Variants in TNRC6A observed in about 807,000 individuals in gnomAD.
The protein encoded by TNRC6A is trinucleotide repeat-containing gene 6A protein.
In TNRC6A, 44 loss-of-function variants were observed where a neutral mutation model predicts 221.2. The observed-to-expected ratio is 0.20, with a 90% CI of 0.16 to 0.26. The LOEUF (loss-of-function observed/expected upper bound fraction) is 0.26. Ranked by LOEUF, TNRC6A falls within the 10% of genes least tolerant of loss-of-function variation. TNRC6A has a pLI of 1.00. For synonymous variants in TNRC6A, 847 were observed against 838.5 expected (o/e 1.01, Z -0.18); for missense variants, 2,199 against 2,404.4 (o/e 0.91, Z 1.79).
intron 11 of TNRC6A, among the ~76,000 whole-genome samples, chr16:24,799,855 C>T (rs2058296844): frequency 1.3e-5 from 2 of 152,148 alleles, no homozygotes; most frequent in South Asian, 4.1e-4. Flanking sequence ...CCCCAGTTGT[C>T]CTTGCCTTTT....
chr16:24,612,751 G>GA (rs1201304660), intron 1 of TNRC6A, among the ~76,000 whole-genome samples: 2 of 150,870 alleles, frequency 1.3e-5, no homozygotes, highest in Non-Finnish European at 3.0e-5. Flanking sequence ...GTCTCAAAGA[G>GA]AAAAAAAATA....
At chr16:24,705,331 G>A (rs1567372982) in intron 2 of TNRC6A, among the ~76,000 whole-genome samples, 1 of 150,158 alleles carries the variant, frequency 6.7e-6, no homozygotes, top group Non-Finnish European at 1.5e-5. Context: ...GATATTAGAT[G>A]AATTTTTTTT....
At chr16:24,755,182 A>G (rs1297190307) in intron 3 of TNRC6A, among the ~76,000 whole-genome samples, 1 of 152,240 alleles carries the variant, frequency 6.6e-6, no homozygotes, top group Non-Finnish European at 1.5e-5. Flanking sequence ...GCTAAGTCAT[A>G]GGAAAGCTCT....
At chr16:24,796,991 T>C (rs898579380) in intron 9 of TNRC6A, among the ~76,000 whole-genome samples, 23 of 152,336 alleles carry the variant, frequency 1.5e-4, no homozygotes, top group African/African-American at 2.6e-4. Flanking sequence ...GCAACACAAA[T>C]TGAAATTTTA....
At chr16:24,738,858 G>C (rs933517840) in intron 2 of TNRC6A, among the ~76,000 whole-genome samples, 2 of 152,066 alleles carry the variant, frequency 1.3e-5, no homozygotes, top group African/African-American at 2.4e-5. Context: ...TGTTTGTGTT[G>C]TTTTGTTTTG....
chr16:24,738,323 A>G (rs577489274), intron 2 of TNRC6A, among the ~76,000 whole-genome samples: 1 of 152,316 alleles, frequency 6.6e-6, no homozygotes, highest in South Asian at 2.1e-4. Flanking sequence ...TCACCCTTTT[A>G]AAGTCCACAA....
chr16:24,765,101 G>A (rs2057445397), intron 4 of TNRC6A, among the ~76,000 whole-genome samples: 1 of 152,140 alleles, frequency 6.6e-6, no homozygotes, highest in Non-Finnish European at 1.5e-5. Flanking sequence ...ACCTAGAAGA[G>A]GAATTGCTGA....
chr16:24,653,072 T>A (rs1415578998), intron 2 of TNRC6A, among the ~76,000 whole-genome samples: 1 of 152,220 alleles, frequency 6.6e-6, no homozygotes, highest in Non-Finnish European at 1.5e-5. Context: ...CACAGCCTTT[T>A]TCTAAGACAG....
intron 1 of TNRC6A, among the ~76,000 whole-genome samples, chr16:24,624,632 C>T (rs979583078): frequency 6.6e-6 from 1 of 152,072 alleles, no homozygotes; most frequent in Non-Finnish European, 1.5e-5. Context: ...GCACACATCA[C>T]CACATCTGGC....
intron 2 of TNRC6A, among the ~76,000 whole-genome samples, chr16:24,647,765 C>A (rs1196837490): frequency 1.3e-5 from 2 of 152,148 alleles, no homozygotes; most frequent in African/African-American, 4.8e-5. Context: ...GCACGCGCCA[C>A]CATGCCTGGC....
At chr16:24,791,838 A>G in intron 6 of TNRC6A, 21 bp downstream of exon 6, 1 of 1,492,026 alleles carries the variant, frequency 6.7e-7, no homozygotes, top group Non-Finnish European at 8.9e-7. Flanking sequence ...ATTTTATGAA[A>G]TCAAGCCTTG....
intron 5 of TNRC6A, among the ~76,000 whole-genome samples, chr16:24,780,998 C>G (rs558759719): frequency 6.8e-6 from 1 of 147,528 alleles, no homozygotes; most frequent in South Asian, 2.2e-4. Context: ...TAAACAAACT[C>G]AGATCTTCTC....
In TNRC6A at chr16:24,752,013, AC is replaced by A. The variant is rs1208310273; in HGVS notation, c.141+1202del. 2.6e-5 allele frequency among the ~76,000 whole-genome samples: 4 copies of A among 152,108 alleles called. No individual in the cohort carries two copies. In the East Asian group the frequency reaches 7.7e-4, roughly 29 times the overall value. On this transcript the variant is annotated intron_variant, in intron 3 of 24. Transcript: ENST00000395799. The stretch of plus-strand genomic sequence containing the variant: ...GTTTTGCTTGGGGGAAAGGGAGGGA[AC>A]CAAGGGTAGAACTCTGAAGAGTTGA...
chr16:24,688,481 A>G (rs1317895775), intron 2 of TNRC6A, among the ~76,000 whole-genome samples: 1 of 152,158 alleles, frequency 6.6e-6, no homozygotes, highest in African/African-American at 2.4e-5. Context: ...GTGGAGTCTG[A>G]TAGATAAAAA....
At chr16:24,814,511 C>T (rs929427928) in intron 18 of TNRC6A, among the ~76,000 whole-genome samples, 3 of 147,728 alleles carry the variant, frequency 2.0e-5, no homozygotes, top group African/African-American at 5.1e-5. Flanking sequence ...CGGGTTCAAG[C>T]GATTCTCCTG....
chr16:24,742,686 C>G (rs2056917824), intron 2 of TNRC6A, among the ~76,000 whole-genome samples: 1 of 152,168 alleles, frequency 6.6e-6, no homozygotes, highest in African/African-American at 2.4e-5. Flanking sequence ...CTTTAGGAGG[C>G]CGAGACAGGT....
Position 24,795,888 on chromosome 16 carries a change from A to G in TNRC6A, c.3529-19A>G. The G allele has an allele frequency of 6.3e-7, 1 of 1,587,522 alleles. No homozygotes were observed. Among genetic ancestry groups the G allele is most frequent in the Non-Finnish European group, 8.6e-7 (1 of 1,163,504 alleles). On this transcript the variant is annotated intron_variant, in intron 8 of 24. Coordinates refer to ENST00000395799, the MANE Select transcript of TNRC6A (RefSeq NM_014494.4). Reference sequence around the variant, plus strand: ...TCCCACTGGACCATGCTGTTTTGTGACTTTGTCTTTCCTTACAGGGTCTGA... The same window carrying G: ...TCCCACTGGACCATGCTGTTTTGTGGCTTTGTCTTTCCTTACAGGGTCTGA...
At chr16:24,687,748 A>G (rs1427282414) in intron 2 of TNRC6A, among the ~76,000 whole-genome samples, 1 of 151,616 alleles carries the variant, frequency 6.6e-6, no homozygotes, top group Non-Finnish European at 1.5e-5. Context: ...ACAATGAGCT[A>G]TGATCATGTT....
At chr16:24,692,315 A>C (rs1402658659) in intron 2 of TNRC6A, among the ~76,000 whole-genome samples, 1 of 152,214 alleles carries the variant, frequency 6.6e-6, no homozygotes, top group East Asian at 1.9e-4. Context: ...TCACACCTGT[A>C]ATCCCAACAT....
Sources: gnomAD v4.1 joint callset for allele counts (sites outside exome capture counted in the v4.1 genomes callset) on GRCh38, gnomAD v4.1.1 for gene constraint, MANE v1.5 for transcripts, NCBI Gene and HGNC (gene_info 2026-07-23, HGNC 2026-07-21) for gene names.